Variants in CYLD observed in about 807,000 individuals in gnomAD.
CYLD encodes CYLD lysine 63 deubiquitinase.
A neutral mutation model predicts 104.5 loss-of-function variants in CYLD; 26 were observed. That is an observed-to-expected ratio of 0.25 (90% CI 0.18 to 0.35). The LOEUF is 0.35. CYLD is among the 10% of genes least tolerant of loss of function. The pLI is 1.00. For missense variants in CYLD, 703 were observed against 1,136.1 expected, an observed-to-expected ratio of 0.62 and a Z score of 5.48; for synonymous variants, 385 against 399.9, an observed-to-expected ratio of 0.96 and a Z score of 0.45.
rs560558772 is a variant in CYLD at position 50,794,073 on chromosome 16, G to A, written c.2470-139G>A. ...CTCCCGAGTAGCTGGGACTGCAGGCGCCTGCCACCACGCCCAGCTAATTTT... is the reference window on the plus strand; with the variant it reads ...CTCCCGAGTAGCTGGGACTGCAGGCACCTGCCACCACGCCCAGCTAATTTT... On this transcript the variant is annotated intron_variant, in intron 17 of 18. Coordinates refer to ENST00000427738, the MANE Select transcript of CYLD (RefSeq NM_001378743.1). The surrounding 1 kb of genome is among the most constrained non-coding windows in gnomAD (Gnocchi z 4.1). 6.2e-5 allele frequency: 46 copies of A among 737,362 alleles called. No individual in the cohort carries two copies. Among genetic ancestry groups the A allele is most frequent in the South Asian group, 1.1e-4 (7 of 63,844 alleles). The allele number at this position is 737,362 out of a possible 1,614,324, so 45.7% of individuals were successfully genotyped here. A position where few individuals can be genotyped will look rare whatever the true frequency, so the allele number is the denominator to read the frequency against.
chr16:50,784,641 G>T (rs1462673057), intron 12 of CYLD, 190 bp downstream of exon 12: 2 of 581,938 alleles, frequency 3.4e-6, no homozygotes, highest in East Asian at 6.6e-5. Context: ...CTTAAATGTG[G>T]CCAAGGTGTA....
intron 18 of CYLD, among the ~76,000 whole-genome samples, chr16:50,795,061 G>A (rs1284481193): frequency 6.6e-6 from 1 of 152,190 alleles, no homozygotes; most frequent in African/African-American, 2.4e-5. Context: ...AGCCACGGTA[G>A]CTGTTTATTG....
At chr16:50,776,046 T>A in intron 6 of CYLD, 133 bp from the exon 7 acceptor site, 1 of 699,892 alleles carries the variant, frequency 1.4e-6, no homozygotes, top group Non-Finnish European at 2.6e-6. Flanking sequence ...TGATGGCCTT[T>A]AAAAGGCATT....
chr16:50,773,096 T>A (rs1548989), intron 5 of CYLD, among the ~76,000 whole-genome samples: 32 of 152,150 alleles, frequency 2.1e-4, no homozygotes, highest in African/African-American at 7.0e-4. Flanking sequence ...AAGATTTCTG[T>A]GGATGTTAAA....
rs2151048131 is a variant in CYLD at position 50,796,536 on chromosome 16, C to G, written c.*28C>G. 6.2e-6 allele frequency: 10 copies of G among 1,608,166 alleles called. No individual in the cohort carries two copies. The highest frequency in any genetic ancestry group is 8.5e-6 in the Non-Finnish European group (10 of 1,178,346). On this transcript the variant is annotated 3_prime_UTR_variant, in exon 19 of 19. Coordinates refer to ENST00000427738, the MANE Select transcript of CYLD (RefSeq NM_001378743.1). ...GGGGTCATCGGGAAAGGCAAAGAAA[C>G]TGAAGGCAGAGTCCTAACGTTGCAT...
At chr16:50,754,467 T>C (rs1966842481) in intron 5 of CYLD, 43 bp downstream of exon 5, 1 of 1,282,512 alleles carries the variant, frequency 7.8e-7, no homozygotes, top group South Asian at 1.3e-5. Context: ...CAAACTTTAT[T>C]TTTTAATTTT....
chr16:50,793,115 T>TACACACACACAC (rs3064638), intron 16 of CYLD, among the ~76,000 whole-genome samples: 2 of 145,038 alleles, frequency 1.4e-5, no homozygotes, highest in African/African-American at 5.0e-5. Flanking sequence ...AGGAGCCATA[T>TACACACACACAC]ACACACACAC....
At chr16:50,792,777 G>T in intron 16 of CYLD, 72 bp downstream of exon 16, 1 of 813,526 alleles carries the variant, frequency 1.2e-6, no homozygotes, top group Middle Eastern at 2.2e-4. Flanking sequence ...ATCAGTTGTG[G>T]GTTAGACTCT....
chr16:50,790,708 G>T (rs1971347011), intron 14 of CYLD, among the ~76,000 whole-genome samples: 2 of 149,594 alleles, frequency 1.3e-5, no homozygotes, highest in South Asian at 4.5e-4. Flanking sequence ...CTGAATAGCT[G>T]AGTTTTTTTT....
intron 5 of CYLD, among the ~76,000 whole-genome samples, chr16:50,763,188 G>A (rs1448420803): frequency 6.6e-6 from 1 of 152,160 alleles, no homozygotes; most frequent in Non-Finnish European, 1.5e-5. Context: ...CCATGTTGTA[G>A]CATGTGCCAG....
chr16:50,778,985 T>G (rs1219793130), intron 8 of CYLD, among the ~76,000 whole-genome samples: 2 of 152,244 alleles, frequency 1.3e-5, no homozygotes, highest in Non-Finnish European at 2.9e-5. Flanking sequence ...TGTGGCTCTC[T>G]TTATCATGTG....
At position 50,764,063 on chromosome 16, in the gene CYLD, A is replaced by G. The variant is rs373805760; in HGVS notation, c.913+9639A>G. Among the ~76,000 whole-genome samples the G allele has an allele frequency of 9.1e-4, 138 of 151,902 alleles. 1 individual carries two copies. The highest frequency in any genetic ancestry group is 3.1e-3 in the African/African-American group (130 of 41,442). On this transcript the variant is annotated intron_variant, in intron 5 of 18. Coordinates refer to ENST00000427738, the MANE Select transcript of CYLD (RefSeq NM_001378743.1). ...ACCTTACATCCATGATGTAAACCCA[A>G]CCTCCTCATGATTCATACTTTGCTT...
chr16:50,763,428 C>A (rs534691135), intron 5 of CYLD, among the ~76,000 whole-genome samples: 74 of 152,218 alleles, frequency 4.9e-4, no homozygotes, highest in African/African-American at 1.7e-3. Context: ...CTATGTTTAA[C>A]CATTTGTGGA....
chr16:50,797,225 G>A lies in CYLD; in HGVS notation c.*717G>A. ...TAGCAGTTGAAGCTCTTCATTCATA[G>A]TAGTTACTGTCAGCTAACAGGTTTT... On this transcript the variant is annotated 3_prime_UTR_variant, in exon 19 of 19. Transcript: ENST00000427738. 1 of 232,696 alleles carries A rather than the reference G, an allele frequency of 4.3e-6. No individual in the cohort carries two copies. Among genetic ancestry groups the A allele is most frequent in the Non-Finnish European group, 8.5e-6 (1 of 117,712 alleles). 14.4% of individuals were successfully genotyped at this position (232,696 alleles called of 1,614,324 possible).
intron 2 of CYLD, among the ~76,000 whole-genome samples, chr16:50,745,079 C>T (rs1966060945): frequency 6.6e-6 from 1 of 152,176 alleles, no homozygotes; most frequent in Non-Finnish European, 1.5e-5. Flanking sequence ...TTCATAATCA[C>T]ACAGTTATCC....
intron 12 of CYLD, chr16:50,786,110 A>G (rs1970789874): frequency 6.6e-6 from 1 of 152,182 alleles, no homozygotes; most frequent in South Asian, 2.1e-4. Context: ...CATTATGCCA[A>G]TTGGTTTGAT....
chr16:50,759,698 C>T (rs147042510), intron 5 of CYLD, among the ~76,000 whole-genome samples: 4 of 152,244 alleles, frequency 2.6e-5, no homozygotes, highest in Admixed American at 6.5e-5. Context: ...TATTAATGGA[C>T]GCTTGGGTTT....
At chr16:50,770,063 T>G (rs1479812423) in intron 5 of CYLD, among the ~76,000 whole-genome samples, 1 of 152,242 alleles carries the variant, frequency 6.6e-6, no homozygotes, top group Non-Finnish European at 1.5e-5. Flanking sequence ...TTGAAGGACA[T>G]CTGGTTTGTT....
chr16:50,785,574 C>T (rs1294293732), intron 12 of CYLD: 1 of 152,098 alleles, frequency 6.6e-6, no homozygotes, highest in Non-Finnish European at 1.5e-5. Context: ...CAAGACAGGT[C>T]AAACCCGAAA....
Sources: gnomAD v4.1 joint callset for allele counts (sites outside exome capture counted in the v4.1 genomes callset) on GRCh38, gnomAD v4.1.1 for gene constraint, Gnocchi (gnomAD v3.1) non-coding constraint, MANE v1.5 for transcripts, NCBI Gene and HGNC (gene_info 2026-07-23, HGNC 2026-07-21) for gene names.